Variants in FAM222A observed in about 807,000 individuals in gnomAD.
FAM222A encodes the protein family with sequence similarity 222 member A.
In FAM222A, 7 loss-of-function variants were observed where a neutral mutation model predicts 25.8. The ratio of observed to expected loss-of-function variants is 0.27; its 90% confidence interval spans 0.15 to 0.51. FAM222A has a LOEUF of 0.51. Ranked by LOEUF, FAM222A falls within the 20% of genes least tolerant of loss-of-function variation. The pLI, the probability that FAM222A is intolerant of heterozygous loss-of-function variation, is 0.97. For missense variants in FAM222A, 573 were observed against 640.5 expected, an observed-to-expected ratio of 0.89 and a Z score of 1.14; for synonymous variants, 294 against 298.8, an observed-to-expected ratio of 0.98 and a Z score of 0.17.
In FAM222A at chr12:109,768,355, G is replaced by A. The variant is rs1889122823; in HGVS notation, c.426G>A (p.Gln142=). ...CCAAGCTGTCACCGGCCGCCGTGCA[G>A]GTGGGCATTGCGCCCTACCCAGTGC... ...KRTKLSPAAV[Q]VGIAPYPVPS... is the part of the protein sequence containing the mutation. The change falls in exon 3 of 3, where the codon CAG becomes CAA. Residue 142 remains glutamine, a synonymous_variant. Coordinates refer to ENST00000538780, the MANE Select transcript of FAM222A (RefSeq NM_032829.3). 2 of 1,596,694 alleles carry A rather than the reference G, an allele frequency of 1.3e-6. No individual in the cohort carries two copies. The highest frequency in any genetic ancestry group is 1.3e-5 in the African/African-American group (1 of 74,658).
chr12:109,752,067 A>T (rs1338029952), intron 2 of FAM222A, among the ~76,000 whole-genome samples: 2 of 152,206 alleles, frequency 1.3e-5, no homozygotes, highest in Non-Finnish European at 2.9e-5. Flanking sequence ...TCCAGGCTGG[A>T]CTGTCTCAAA....
intron 1 of FAM222A, 26 bp from the exon 2 acceptor site, chr12:109,744,075 C>A: frequency 6.4e-7 from 1 of 1,566,160 alleles, no homozygotes; most frequent in Non-Finnish European, 8.6e-7. Flanking sequence ...CCCCAAGTGA[C>A]AGAGCACCCC....
At chr12:109,728,629 C>T (rs900575731) in intron 1 of FAM222A, among the ~76,000 whole-genome samples, 25 of 152,204 alleles carry the variant, frequency 1.6e-4, no homozygotes, top group Non-Finnish European at 2.9e-4. Context: ...TCACCATCTG[C>T]AGGGCTAAGA....
chr12:109,726,146 G>A (rs987941970), intron 1 of FAM222A, among the ~76,000 whole-genome samples: 8 of 149,526 alleles, frequency 5.4e-5, no homozygotes, highest in Admixed American at 5.3e-4. Context: ...AAAAAAGTTG[G>A]CAAAACCTTC....
intron 2 of FAM222A, among the ~76,000 whole-genome samples, chr12:109,757,926 C>T (rs1427289064): frequency 6.6e-6 from 1 of 152,134 alleles, no homozygotes; most frequent in Non-Finnish European, 1.5e-5. Context: ...AATCTGGGGC[C>T]CTGGGTGCAG....
At chr12:109,753,701 C>T (rs957592412) in intron 2 of FAM222A, among the ~76,000 whole-genome samples, 2 of 151,756 alleles carry the variant, frequency 1.3e-5, no homozygotes, top group Admixed American at 6.6e-5. Flanking sequence ...CAATTCCCAG[C>T]CTCACCCCAC....
Position 109,768,949 on chromosome 12 carries a change from C to T in FAM222A, c.1020C>T (p.Thr340=), listed in dbSNP as rs759284504. 1.8e-5 allele frequency: 29 copies of T among 1,574,198 alleles called. No homozygotes were observed. The highest frequency in any genetic ancestry group is 8.9e-5 in the Admixed American group (5 of 55,872). ...NCGVGLPTSF[T]VGQYFAAPWN... ...GCGTGGGGCTGCCCACCAGCTTCAC[C>T]GTAGGCCAGTACTTTGCGGCCCCGT... The change falls in exon 3 of 3, where the codon ACC becomes ACT. Residue 340 remains threonine (T), a synonymous_variant. Transcript: ENST00000538780.
chr12:109,714,699 C>G lies in FAM222A; in HGVS notation c.-245C>G, dbSNP rs1230810648. 1.3e-5 allele frequency: 2 copies of G among 152,242 alleles called. No individual in the cohort carries two copies. Among genetic ancestry groups the G allele is most frequent in the Non-Finnish European group, 2.9e-5 (2 of 68,068 alleles). 9.4% of individuals were successfully genotyped at this position (152,242 alleles called of 1,614,324 possible). A position where few individuals can be genotyped will look rare whatever the true frequency, so the allele number is the denominator to read the frequency against. On this transcript the variant is annotated 5_prime_UTR_variant, in exon 1 of 3. Coordinates refer to ENST00000538780, the MANE Select transcript of FAM222A (RefSeq NM_032829.3). This position sits in a 1 kb window ranked among gnomAD's most constrained non-coding sequence, Gnocchi z 4.2. ...GACCCCTGCTGAACGGAGACCTCCC[C>G]TCCCCCCCGACTTCGGACGGCGCAG...
At chr12:109,759,640 C>G (rs894822464) in intron 2 of FAM222A, among the ~76,000 whole-genome samples, 1 of 152,224 alleles carries the variant, frequency 6.6e-6, no homozygotes, top group Admixed American at 6.5e-5. Context: ...TTTTAAATTT[C>G]CCGACAAGTC....
At position 109,744,096 on chromosome 12, in the gene FAM222A, T is replaced by C. The variant is rs1888320057; in HGVS notation, c.-46-5T>C. The C allele has an allele frequency of 1.3e-6, 2 of 1,596,626 alleles. No individual in the cohort carries two copies. The highest frequency in any genetic ancestry group is 1.7e-6 in the Non-Finnish European group (2 of 1,172,540). On this transcript the variant is annotated splice_polypyrimidine_tract_variant and splice_region_variant and intron_variant, in intron 1 of 2. Transcript: ENST00000538780. ...GTGACAGAGCACCCCATCTTCCTCC[T>C]GCAGGGACCCAGTCGCAGAGCGCAC...
intron 2 of FAM222A, among the ~76,000 whole-genome samples, chr12:109,752,945 T>C (rs764323263): frequency 9.2e-5 from 14 of 152,124 alleles, no homozygotes; most frequent in Non-Finnish European, 1.8e-4. Context: ...TCGTGGCCTG[T>C]CCTAGGTGAC....
chr12:109,750,278 C>T (rs1051288785), intron 2 of FAM222A, among the ~76,000 whole-genome samples: 4 of 152,140 alleles, frequency 2.6e-5, no homozygotes, highest in Non-Finnish European at 5.9e-5. Context: ...GATTTTTTCT[C>T]TCCACAACAT....
rs1241198772 is a variant in FAM222A at position 109,768,989 on chromosome 12, G to T, written c.1060G>T (p.Val354Leu). The T allele has an allele frequency of 1.3e-6, 2 of 1,574,556 alleles. No homozygotes were observed. The change falls in exon 3 of 3, where the codon GTG becomes TTG. Residue 354 changes from valine (V) to leucine (L), a missense_variant. Physicochemically the swap from Val to Leu is conservative, Grantham distance 32. Transcript: ENST00000538780. ...TGCGGCCCCGTGGAACAGTGTGCTG[G>T]TGACACCCACCAGCGACTGCTACAA... ...YFAAPWNSVL[V>L]TPTSDCYNPA...
At chr12:109,733,502 C>A (rs546863160) in intron 1 of FAM222A, among the ~76,000 whole-genome samples, 23 of 151,846 alleles carry the variant, frequency 1.5e-4, no homozygotes, top group Non-Finnish European at 3.2e-4. Flanking sequence ...CTCCCGGGTT[C>A]ACGCCATTCT....
intron 2 of FAM222A, among the ~76,000 whole-genome samples, chr12:109,747,832 C>T (rs78515609): frequency 0.023 from 3,499 of 152,236 alleles, 60 homozygotes; most frequent in Non-Finnish European, 0.034. Flanking sequence ...TTGGGTTTTC[C>T]AGTTATACTA....
At chr12:109,739,160 A>T (rs1888166200) in intron 1 of FAM222A, among the ~76,000 whole-genome samples, 1 of 152,232 alleles carries the variant, frequency 6.6e-6, no homozygotes, top group South Asian at 2.1e-4. Flanking sequence ...TCCCGGGGTC[A>T]CAATCTCAGG....
rs758330049 is a variant in FAM222A at position 109,768,225 on chromosome 12, A to C, written c.296A>C (p.Tyr99Ser). 1.2e-6 allele frequency: 2 copies of C among 1,611,890 alleles called. No individual in the cohort carries two copies. The highest frequency in any genetic ancestry group is 4.5e-5 in the East Asian group (2 of 44,772). ...CCCTACCCACAGCACACCGCTGGCT[A>C]CCAGGGCCTTCTGGCCATTGTCAAG... ...YSPYPQHTAGYQGLLAIVKAA... is the reference protein window; with the variant it reads ...YSPYPQHTAGSQGLLAIVKAA... Residue 99 changes from tyrosine to serine, a missense_variant, in exon 3 of 3, where the codon TAC becomes TCC. Tyr to Ser is a moderately radical substitution (Grantham distance 144, BLOSUM62 -2). Coordinates refer to ENST00000538780, the MANE Select transcript of FAM222A (RefSeq NM_032829.3).
chr12:109,752,253 C>T (rs192076284), intron 2 of FAM222A, among the ~76,000 whole-genome samples: 4 of 152,342 alleles, frequency 2.6e-5, no homozygotes, highest in East Asian at 1.9e-4. Context: ...CTGCTTCCCC[C>T]GCCCATTCAG....
chr12:109,728,191 G>A lies in FAM222A; in HGVS notation c.-47+13294G>A, dbSNP rs145041013. 2.0e-3 allele frequency among the ~76,000 whole-genome samples: 297 copies of A among 152,280 alleles called. 1 individual carries two copies. Among genetic ancestry groups the A allele is most frequent in the African/African-American group, 7.0e-3 (292 of 41,544 alleles). The stretch of plus-strand genomic sequence containing the variant: ...GGGGAAGAATATGAGCTACAGCAGT[G>A]GGTGGGTCGTGGGTGTTGAAGTCTC... On this transcript the variant is annotated intron_variant, in intron 1 of 2. Coordinates refer to ENST00000538780, the MANE Select transcript of FAM222A (RefSeq NM_032829.3).
Sources: allele counts gnomAD v4.1 joint callset (sites outside exome capture counted in the v4.1 genomes callset), GRCh38; gene constraint gnomAD v4.1.1; non-coding constraint Gnocchi (gnomAD v3.1); transcripts MANE v1.5; gene names NCBI Gene and HGNC (gene_info 2026-07-23, HGNC 2026-07-21).